GRM1: variants seen among roughly 807,000 people sequenced by gnomAD.
The protein encoded by GRM1 is glutamate metabotropic receptor 1.
Under a neutral mutation model 90.9 loss-of-function variants are expected in GRM1, and 33 were observed. The observed-to-expected ratio is 0.36, with a 90% CI of 0.28 to 0.49. The LOEUF (loss-of-function observed/expected upper bound fraction) is 0.49, where lower values mean the gene tolerates loss of function less well. Ranked by LOEUF, GRM1 falls within the 20% of genes least tolerant of loss-of-function variation. The pLI, the probability that GRM1 is intolerant of heterozygous loss-of-function variation, is 0.99. For missense variants in GRM1, 1,190 were observed against 1,534.3 expected, an observed-to-expected ratio of 0.78 and a Z score of 3.75; for synonymous variants, 700 against 613.2, an observed-to-expected ratio of 1.14 and a Z score of -2.09.
intron 1 of GRM1, among the ~76,000 whole-genome samples, chr6:146,078,784 T>C (rs951492267): frequency 6.6e-6 from 1 of 152,176 alleles, no homozygotes; most frequent in Non-Finnish European, 1.5e-5. Context: ...ACGATACTGT[T>C]AGAACATAGA....
rs150832586 is a variant in GRM1, at chr6:146,283,360, T to C, written c.951-21251T>C. Among the ~76,000 whole-genome samples the C allele has an allele frequency of 4.3e-3, 662 of 152,324 alleles. 2 individuals carry two copies. Among genetic ancestry groups the C allele is most frequent in the Non-Finnish European group, 6.2e-3 (425 of 68,036 alleles). Reference sequence around the variant, plus strand: ...TTAAGAATGTCAAATACATATGTGCTTTGTTTTTATGCTGTTGGGTATGTG... The same window carrying C: ...TTAAGAATGTCAAATACATATGTGCCTTGTTTTTATGCTGTTGGGTATGTG... On this transcript the variant is annotated intron_variant, in intron 2 of 7. Transcript: ENST00000282753.
chr6:146,160,407 C>G (rs1415085140), intron 2 of GRM1, among the ~76,000 whole-genome samples: 1 of 152,180 alleles, frequency 6.6e-6, no homozygotes, highest in Non-Finnish European at 1.5e-5. Context: ...GGGCTTTTGA[C>G]CTAACAGATA....
At chr6:146,173,450 A>G (rs1047504417) in intron 2 of GRM1, among the ~76,000 whole-genome samples, 11 of 151,640 alleles carry the variant, frequency 7.3e-5, no homozygotes, top group African/African-American at 2.7e-4. Context: ...AAGAAAGAAA[A>G]GAAAAAAAGA....
intron 7 of GRM1, chr6:146,426,518 C>A (rs770861295): frequency 6.3e-6 from 10 of 1,579,278 alleles, no homozygotes; most frequent in Middle Eastern, 3.3e-4. Context: ...ACATGTATAA[C>A]CCCCTCGCTC....
At chr6:146,203,324 G>A (rs1320408374) in intron 2 of GRM1, among the ~76,000 whole-genome samples, 1 of 152,088 alleles carries the variant, frequency 6.6e-6, no homozygotes, top group Non-Finnish European at 1.5e-5. Context: ...ACTGCCATTT[G>A]TGCCGCTATT....
chr6:146,169,927 TAGTG>T (rs1222458716), intron 2 of GRM1, among the ~76,000 whole-genome samples: 1 of 152,214 alleles, frequency 6.6e-6, no homozygotes, highest in African/African-American at 2.4e-5. Context: ...ATAGCTATCT[TAGTG>T]AGCATAAAAT....
rs118010196 is a variant in GRM1 at position 146,045,507 on chromosome 6, T to A, written c.700+15290T>A. 4.7e-3 allele frequency among the ~76,000 whole-genome samples: 714 copies of A among 152,024 alleles called. 18 individuals carry two copies. In the East Asian group the frequency reaches 0.071, roughly 15 times the overall value. ...TACACATTTGTTCAATTGAATTAAG[T>A]ATGGAAGGCTTTTGTTTCAAATGCC... On this transcript the variant is annotated intron_variant, in intron 1 of 7. Coordinates refer to ENST00000282753, the MANE Select transcript of GRM1 (RefSeq NM_001278064.2).
At chr6:146,044,704 A>G (rs1456952836) in intron 1 of GRM1, among the ~76,000 whole-genome samples, 1 of 152,020 alleles carries the variant, frequency 6.6e-6, no homozygotes, top group East Asian at 1.9e-4. Context: ...ATGTCAGTAC[A>G]TGCTAAAGGA....
chr6:146,389,796 C>T (rs2114540676), intron 6 of GRM1, among the ~76,000 whole-genome samples: 1 of 152,182 alleles, frequency 6.6e-6, no homozygotes, highest in Non-Finnish European at 1.5e-5. Context: ...GGGTCTTTCA[C>T]AATATAGATT....
chr6:146,029,176 T>A lies in GRM1; in HGVS notation c.-342T>A. ...GTCCTCTGATGACAAGGTTGTGATT[T>A]TTCTCTGTCTTTTGTCAGCAGCATC... On this transcript the variant is annotated 5_prime_UTR_variant, in exon 1 of 8. Transcript: ENST00000282753. 2 of 385,634 alleles carry A rather than the reference T, an allele frequency of 5.2e-6. 1 individual carries two copies. The highest frequency in any genetic ancestry group is 4.7e-5 in the South Asian group (2 of 42,690). The allele number at this position is 385,634 out of a possible 1,614,324, so 23.9% of individuals were successfully genotyped here.
At chr6:146,198,349 ACCCTGC>A (rs1225668907) in intron 2 of GRM1, among the ~76,000 whole-genome samples, 2 of 152,146 alleles carry the variant, frequency 1.3e-5, no homozygotes, top group Non-Finnish European at 2.9e-5. Flanking sequence ...TACAGCATCG[ACCCTGC>A]CTCCTTTAGG....
intron 6 of GRM1, among the ~76,000 whole-genome samples, chr6:146,391,494 G>A (rs1776720731): frequency 1.3e-5 from 2 of 152,028 alleles, no homozygotes; most frequent in Non-Finnish European, 2.9e-5. Context: ...ACCACTGGTT[G>A]AAGGTAGTCT....
chr6:146,437,213 C>T lies in GRM1; in HGVS notation c.*2417C>T, dbSNP rs569106997. ...TGCCACTAATATACATCCCTAATAT[C>T]ACAGGGCTTGTGCATTCAGATTTTT... On this transcript the variant is annotated 3_prime_UTR_variant, in exon 8 of 8. Transcript: ENST00000282753. 8.5e-5 allele frequency: 13 copies of T among 152,156 alleles called. No homozygotes were observed. Among genetic ancestry groups the T allele is most frequent in the Non-Finnish European group, 1.3e-4 (9 of 68,022 alleles). 9.4% of individuals were successfully genotyped at this position (152,156 alleles called of 1,614,324 possible).
At chr6:146,366,194 C>G (rs1775679806) in intron 5 of GRM1, among the ~76,000 whole-genome samples, 1 of 152,056 alleles carries the variant, frequency 6.6e-6, no homozygotes, top group Non-Finnish European at 1.5e-5. Context: ...TAAATATGCT[C>G]TCCATAGGCA....
At chr6:146,416,663 T>G (rs1479097832) in intron 7 of GRM1, among the ~76,000 whole-genome samples, 1 of 152,212 alleles carries the variant, frequency 6.6e-6, no homozygotes. Flanking sequence ...AGTTACGGAC[T>G]GAGCTGATTT....
At chr6:146,039,613 T>C (rs1000208813) in intron 1 of GRM1, among the ~76,000 whole-genome samples, 1 of 151,858 alleles carries the variant, frequency 6.6e-6, no homozygotes, top group African/African-American at 2.4e-5. Flanking sequence ...AGGAGTCAAA[T>C]TGGAAATTAG....
At chr6:146,142,813 G>A (rs988109499) in intron 1 of GRM1, among the ~76,000 whole-genome samples, 5 of 152,102 alleles carry the variant, frequency 3.3e-5, no homozygotes, top group African/African-American at 9.7e-5. Flanking sequence ...CTCACCCAGG[G>A]AAGGTTGAGA....
chr6:146,291,726 A>G (rs1782992244), intron 2 of GRM1, among the ~76,000 whole-genome samples: 1 of 152,054 alleles, frequency 6.6e-6, no homozygotes, highest in Non-Finnish European at 1.5e-5. Context: ...TATTACTAAT[A>G]TGATAAAACT....
chr6:146,317,203 C>A (rs1784007206), intron 3 of GRM1, among the ~76,000 whole-genome samples: 1 of 152,172 alleles, frequency 6.6e-6, no homozygotes, highest in Non-Finnish European at 1.5e-5. Flanking sequence ...TGCCATTAAT[C>A]TGAGTTTTCA....
Sources: allele counts gnomAD v4.1 joint callset (sites outside exome capture counted in the v4.1 genomes callset), GRCh38; gene constraint gnomAD v4.1.1; transcripts MANE v1.5; gene names NCBI Gene and HGNC (gene_info 2026-07-23, HGNC 2026-07-21).